CSMD1: variants seen among roughly 807,000 people sequenced by gnomAD.
The protein encoded by CSMD1 is CUB and sushi domain-containing protein 1.
Under a neutral mutation model 417.5 loss-of-function variants are expected in CSMD1, and 213 were observed. The ratio of observed to expected loss-of-function variants is 0.51; its 90% CI spans 0.46 to 0.57. The LOEUF is 0.57. Among genes scored for constraint, CSMD1 ranks in the 20% least tolerant of loss-of-function variants. CSMD1 has a pLI of 0.00. For missense variants in CSMD1, 6,923 were observed against 4,529.7 expected (o/e 1.53, Z -15.17); for synonymous variants, 2,862 against 1,736.8 (o/e 1.65, Z -16.11).
intron 1 of CSMD1, among the ~76,000 whole-genome samples, chr8:4,972,182 C>G (rs961682958): frequency 1.2e-4 from 19 of 152,062 alleles, no homozygotes; most frequent in African/African-American, 4.6e-4. Context: ...GTTATAAAAA[C>G]AGAGACTTCA....
At chr8:4,634,673 A>T (rs374724615) in intron 2 of CSMD1, among the ~76,000 whole-genome samples, 2 of 152,212 alleles carry the variant, frequency 1.3e-5, no homozygotes, top group Non-Finnish European at 2.9e-5. Context: ...GAAATAAACA[A>T]CTGTTTCAAG....
chr8:4,848,573 C>T (rs947779472), intron 1 of CSMD1, among the ~76,000 whole-genome samples: 1 of 151,326 alleles, frequency 6.6e-6, no homozygotes, highest in Non-Finnish European at 1.5e-5. Flanking sequence ...GAGTCTCACT[C>T]TGTCACCCAG....
intron 7 of CSMD1, among the ~76,000 whole-genome samples, chr8:3,647,732 T>C (rs561994186): frequency 6.6e-6 from 1 of 152,178 alleles, no homozygotes. Flanking sequence ...GTTAAAGTAT[T>C]GATTGGAGGG....
At chr8:3,799,211 C>T (rs1009569412) in intron 5 of CSMD1, among the ~76,000 whole-genome samples, 3 of 151,682 alleles carry the variant, frequency 2.0e-5, no homozygotes, top group South Asian at 2.1e-4. Context: ...CATAACTTAC[C>T]TTTCACAACT....
intron 3 of CSMD1, among the ~76,000 whole-genome samples, chr8:4,070,084 G>A (rs959240438): frequency 2.6e-5 from 4 of 151,690 alleles, no homozygotes; most frequent in Non-Finnish European, 5.9e-5. Flanking sequence ...TTTGCTCTTG[G>A]AATTAAAGAA....
Position 4,795,106 on chromosome 8 carries a change from G to C in CSMD1, c.86-157548C>G, listed in dbSNP as rs1017113111. Among the ~76,000 whole-genome samples, 8 of 152,010 alleles carry C rather than the reference G, an allele frequency of 5.3e-5. No homozygotes were observed. In the South Asian group the frequency reaches 6.2e-4, roughly 12 times the overall value. On this transcript the variant is annotated intron_variant, in intron 1 of 69. Coordinates refer to ENST00000635120, the MANE Select transcript of CSMD1 (RefSeq NM_033225.6). ...TAATAGTGAAGAATCAGGTGGAATA[G>C]ATACAGCAAAAAATAACAACAGTAG...
At chr8:3,793,112 G>A (rs895639668) in intron 5 of CSMD1, among the ~76,000 whole-genome samples, 1 of 152,146 alleles carries the variant, frequency 6.6e-6, no homozygotes, top group Non-Finnish European at 1.5e-5. Flanking sequence ...TCTCGAGGAG[G>A]ATACCCACAA....
chr8:3,453,101 G>A (rs1419455573), intron 12 of CSMD1, among the ~76,000 whole-genome samples: 1 of 152,162 alleles, frequency 6.6e-6, no homozygotes, highest in African/African-American at 2.4e-5. Context: ...TAGTTCTTTT[G>A]CATAGAGGTG....
At chr8:4,176,569 G>C (rs1486612524) in intron 3 of CSMD1, among the ~76,000 whole-genome samples, 1 of 151,872 alleles carries the variant, frequency 6.6e-6, no homozygotes, top group African/African-American at 2.4e-5. Context: ...TTTGGCAGTA[G>C]AAGTACCCTC....
intron 5 of CSMD1, among the ~76,000 whole-genome samples, chr8:3,848,837 G>C (rs945187392): frequency 6.6e-6 from 1 of 151,784 alleles, no homozygotes; most frequent in African/African-American, 2.4e-5. Context: ...CTTTATGAAA[G>C]GATGTTTATA....
intron 20 of CSMD1, among the ~76,000 whole-genome samples, chr8:3,362,778 T>G (rs1247141879): frequency 2.6e-5 from 4 of 152,212 alleles, no homozygotes. Flanking sequence ...GACCCCACTC[T>G]GTATTTTATA....
chr8:4,873,607 T>A (rs1342283735), intron 1 of CSMD1, among the ~76,000 whole-genome samples: 1 of 152,118 alleles, frequency 6.6e-6, no homozygotes, highest in East Asian at 1.9e-4. Context: ...AGGCTAGAAA[T>A]CTAATTAAGC....
chr8:3,521,102 C>T (rs1797489810), intron 10 of CSMD1, among the ~76,000 whole-genome samples: 1 of 152,128 alleles, frequency 6.6e-6, no homozygotes, highest in South Asian at 2.1e-4. Context: ...TCCTAAAAGT[C>T]TTCCCACTTT....
At chr8:4,358,572 G>A (rs935183228) in intron 3 of CSMD1, among the ~76,000 whole-genome samples, 19 of 152,068 alleles carry the variant, frequency 1.2e-4, no homozygotes, top group Non-Finnish European at 2.2e-4. Flanking sequence ...TTTACTATCT[G>A]GCCATTTAAA....
intron 1 of CSMD1, among the ~76,000 whole-genome samples, chr8:4,702,423 A>G (rs1329328382): frequency 6.6e-6 from 1 of 152,218 alleles, no homozygotes; most frequent in Admixed American, 6.5e-5. Flanking sequence ...AACCTTGAGT[A>G]AGATGACATC....
chr8:3,834,494 G>T (rs1249183237), intron 5 of CSMD1, among the ~76,000 whole-genome samples: 1 of 152,176 alleles, frequency 6.6e-6, no homozygotes, highest in African/African-American at 2.4e-5. Context: ...CAGTACCTCG[G>T]TACTTAAGGG....
At chr8:4,287,553 A>C (rs1797127035) in intron 3 of CSMD1, among the ~76,000 whole-genome samples, 1 of 152,124 alleles carries the variant, frequency 6.6e-6, no homozygotes, top group South Asian at 2.1e-4. Context: ...TAGATAACAA[A>C]GACGGGGGAC....
intron 4 of CSMD1, among the ~76,000 whole-genome samples, chr8:4,006,410 G>C (rs762965762): frequency 6.6e-6 from 1 of 152,152 alleles, no homozygotes; most frequent in African/African-American, 2.4e-5. Context: ...TGGGTGTGGT[G>C]GTCCATGCCT....
chr8:3,653,818 A>G (rs73495740), intron 7 of CSMD1, among the ~76,000 whole-genome samples: 2,706 of 152,256 alleles, frequency 0.018, 83 homozygotes, highest in African/African-American at 0.062. Context: ...ACCAATACAT[A>G]TTTGATAGAT....
Sources: gnomAD v4.1 joint callset for allele counts (sites outside exome capture counted in the v4.1 genomes callset) on GRCh38, gnomAD v4.1.1 for gene constraint, MANE v1.5 for transcripts, NCBI Gene and HGNC (gene_info 2026-07-23, HGNC 2026-07-21) for gene names.